Variants in AASDH observed in about 807,000 individuals in gnomAD.
AASDH encodes aminoadipate-semialdehyde dehydrogenase, also known as beta-alanine-activating enzyme.
In AASDH, 81 loss-of-function variants were observed where a neutral mutation model predicts 102.3. That is an observed-to-expected ratio of 0.79 (90% CI 0.66 to 0.95). The LOEUF is 0.95. Among genes scored for constraint, AASDH ranks in the 40% least tolerant of loss-of-function variants. The pLI is 0.00. For synonymous variants in AASDH, 398 were observed against 454.0 expected, an observed-to-expected ratio of 0.88 and a Z score of 1.57; for missense variants, 1,203 against 1,266.2, an observed-to-expected ratio of 0.95 and a Z score of 0.76.
In AASDH at chr4:56,378,255, C is replaced by A; in HGVS notation, c.561G>T (p.Arg187Ser). ...GAACATAGGCTAAGCAATGCTTTAG[C>A]CTCAGATCCATGTGTTCTTCTGCTT... ...EEKAEEHMDL[R>S]LKHCLAYVLH... The change falls in exon 4 of 15, where the codon AGG (arginine) becomes AGT (serine). Residue 187 changes from arginine (R) to serine (S), a missense_variant. Coordinates refer to ENST00000205214, the MANE Select transcript of AASDH (RefSeq NM_181806.4). 7 of 1,614,106 alleles carry A rather than the reference C, an allele frequency of 4.3e-6. No individual in the cohort carries two copies. The highest frequency in any genetic ancestry group is 2.2e-5 in the South Asian group (2 of 91,084).
chr4:56,347,548 C>T (rs977986297), intron 11 of AASDH, among the ~76,000 whole-genome samples: 7 of 152,138 alleles, frequency 4.6e-5, no homozygotes, highest in African/African-American at 1.7e-4. Context: ...TAAAAGTCAC[C>T]TATACCTTAA....
chr4:56,351,860 T>G (rs1749050514), intron 9 of AASDH, among the ~76,000 whole-genome samples: 1 of 148,434 alleles, frequency 6.7e-6, no homozygotes, highest in Non-Finnish European at 1.5e-5. Flanking sequence ...GCTGCAGTAG[T>G]GAGCCCTGAC....
rs569884495 is a variant in AASDH, at chr4:56,362,722, C to A, written c.862-7299G>T. ...TGACTTATATATCATTTGAAAGAAACTGGACTTAGGAGAGAAAAGATGAAC... is the reference window on the plus strand; with the variant it reads ...TGACTTATATATCATTTGAAAGAAAATGGACTTAGGAGAGAAAAGATGAAC... On this transcript the variant is annotated intron_variant, in intron 5 of 14. Transcript: ENST00000205214. Among the ~76,000 whole-genome samples the A allele has an allele frequency of 3.3e-5, 5 of 152,224 alleles. No individual in the cohort carries two copies. In the South Asian group the frequency reaches 1.0e-3, roughly 32 times the overall value.
chr4:56,351,421 A>C lies in AASDH; in HGVS notation c.1613T>G (p.Leu538Ter). 1.9e-6 allele frequency: 3 copies of C among 1,599,336 alleles called. No individual in the cohort carries two copies. Among genetic ancestry groups the C allele is most frequent in the Non-Finnish European group, 2.6e-6 (3 of 1,170,162 alleles). ...CTCAGACTTCAAGTTTATGTAGTTT[A>C]AATATATCTTGTTTAACTCAGAAAC... ...IDVSELNKIY[L>*]NYINLKSENK... Residue 538 changes from leucine (L) to a stop codon, truncating the protein, a stop_gained, in exon 10 of 15, where the codon TTA becomes TGA. Coordinates refer to ENST00000205214, the MANE Select transcript of AASDH (RefSeq NM_181806.4). LOFTEE classifies it high-confidence loss of function.
chr4:56,380,609 C>T (rs1039252326), intron 3 of AASDH, among the ~76,000 whole-genome samples: 1 of 152,172 alleles, frequency 6.6e-6, no homozygotes. Context: ...ACAATTATCA[C>T]ACTATGTAGA....
intron 5 of AASDH, among the ~76,000 whole-genome samples, chr4:56,368,618 G>A (rs1298658368): frequency 2.0e-5 from 3 of 148,702 alleles, no homozygotes; most frequent in South Asian, 4.3e-4. Context: ...CTATTGCAAG[G>A]ACAAAAAACC....
intron 5 of AASDH, among the ~76,000 whole-genome samples, chr4:56,357,280 A>G (rs1229491979): frequency 1.3e-5 from 2 of 152,148 alleles, no homozygotes; most frequent in African/African-American, 2.4e-5. Flanking sequence ...TGAGTACTCT[A>G]CTTCATAGAT....
intron 5 of AASDH, among the ~76,000 whole-genome samples, chr4:56,366,977 G>A (rs1413155061): frequency 7.3e-5 from 11 of 151,436 alleles, no homozygotes; most frequent in African/African-American, 2.2e-4. Context: ...AAACCCCATC[G>A]TCTCAGCCCA....
At chr4:56,381,022 G>A (rs1220149356) in intron 3 of AASDH, among the ~76,000 whole-genome samples, 2 of 152,168 alleles carry the variant, frequency 1.3e-5, no homozygotes, top group African/African-American at 4.8e-5. Flanking sequence ...CATGGGATAG[G>A]AAGCAAGGTT....
chr4:56,340,671 A>AAC (rs1388898691), intron 14 of AASDH, among the ~76,000 whole-genome samples: 4 of 152,240 alleles, frequency 2.6e-5, no homozygotes, highest in Non-Finnish European at 5.9e-5. Context: ...AAACAAAAAT[A>AAC]GTTAAGTGGG....
chr4:56,355,639 G>A lies in AASDH; in HGVS notation c.862-216C>T, dbSNP rs1334796587. Among the ~76,000 whole-genome samples the A allele has an allele frequency of 3.2e-5, 4 of 126,494 alleles. No individual in the cohort carries two copies. The Admixed American group carries it at 3.7e-4, about 12-fold the overall frequency. The allele number at this position is 126,494 out of a possible 152,430, so 83.0% of individuals were successfully genotyped here. The stretch of plus-strand genomic sequence containing the variant: ...TTGGTTTTGTTTGTTTGTTTTTTGA[G>A]ACAGGGTCTCACTCTGTTGATCAGG... On this transcript the variant is annotated intron_variant, in intron 5 of 14. Transcript: ENST00000205214.
intron 3 of AASDH, among the ~76,000 whole-genome samples, chr4:56,380,090 A>T (rs980841934): frequency 1.3e-5 from 2 of 152,250 alleles, no homozygotes; most frequent in African/African-American, 4.8e-5. Flanking sequence ...TAATTCGGAT[A>T]TACTATATGG....
Position 56,349,297 on chromosome 4 carries a change from T to C in AASDH, c.2454A>G (p.Ala818=), listed in dbSNP as rs1323266815. The C allele has an allele frequency of 2.5e-6, 4 of 1,614,092 alleles. No homozygotes were observed. Among genetic ancestry groups the C allele is most frequent in the African/African-American group, 1.3e-5 (1 of 74,944 alleles). Residue 818 remains alanine, a synonymous_variant, in exon 11 of 15, where the codon GCA becomes GCG. Transcript: ENST00000205214. ...TAAAGTTTCCACACTTAGATACACATGCTGAGGATTCAATTCGATCTCCCA... is the reference window on the plus strand; with the variant it reads ...TAAAGTTTCCACACTTAGATACACACGCTGAGGATTCAATTCGATCTCCCA... ...QILGDRIESS[A]CVSKCGNFIV...
chr4:56,382,631 T>C (rs764430666), intron 2 of AASDH, 34 bp from the exon 3 acceptor site: 21 of 1,584,440 alleles, frequency 1.3e-5, no homozygotes, highest in Non-Finnish European at 4.3e-6. Flanking sequence ...GCATAGAATG[T>C]CTGTTGATTT....
At chr4:56,364,212 A>G (rs1188616410) in intron 5 of AASDH, among the ~76,000 whole-genome samples, 2 of 152,222 alleles carry the variant, frequency 1.3e-5, no homozygotes, top group African/African-American at 4.8e-5. Context: ...GAAATATGCG[A>G]CTATGTGACA....
intron 5 of AASDH, among the ~76,000 whole-genome samples, chr4:56,369,504 G>T (rs1751443824): frequency 6.6e-6 from 1 of 152,100 alleles, no homozygotes; most frequent in Non-Finnish European, 1.5e-5. Flanking sequence ...ATATATACAT[G>T]AATTAGGATG....
At chr4:56,369,330 T>C (rs1272981957) in intron 5 of AASDH, among the ~76,000 whole-genome samples, 2 of 152,166 alleles carry the variant, frequency 1.3e-5, no homozygotes, top group Non-Finnish European at 2.9e-5. Context: ...TCAAGGAACT[T>C]TGCAAACATT....
intron 4 of AASDH, among the ~76,000 whole-genome samples, chr4:56,375,785 T>C (rs951567356): frequency 2.0e-5 from 3 of 152,160 alleles, no homozygotes; most frequent in African/African-American, 7.2e-5. Flanking sequence ...TAAAACCTAC[T>C]GGCTTCCTCT....
intron 5 of AASDH, among the ~76,000 whole-genome samples, chr4:56,363,182 G>A (rs934933340): frequency 6.6e-6 from 1 of 152,208 alleles, no homozygotes; most frequent in Non-Finnish European, 1.5e-5. Context: ...GGGGAGGGGC[G>A]CCCACCATCG....
Sources: gnomAD v4.1 joint callset for allele counts (sites outside exome capture counted in the v4.1 genomes callset) on GRCh38, gnomAD v4.1.1 for gene constraint, MANE v1.5 for transcripts, NCBI Gene and HGNC (gene_info 2026-07-23, HGNC 2026-07-21) for gene names.